The following ADGRL3 variants were observed in gnomAD, a reference collection of about 807,000 sequenced individuals.
ADGRL3 encodes the protein adhesion G protein-coupled receptor L3.
Under a neutral mutation model 153.5 loss-of-function variants are expected in ADGRL3, and 62 were observed. That is an observed-to-expected ratio of 0.40 (90% CI 0.33 to 0.50). ADGRL3 has a LOEUF of 0.50. Among genes scored for constraint, ADGRL3 ranks in the 20% least tolerant of loss-of-function variants. ADGRL3 has a pLI of 0.47. For synonymous variants in ADGRL3, 710 were observed against 672.5 expected (o/e 1.06, Z -0.86); for missense variants, 1,641 against 1,859.4 (o/e 0.88, Z 2.16).
At chr4:61,332,389 GT>G (rs1265805370) in intron 1 of ADGRL3, among the ~76,000 whole-genome samples, 1 of 152,124 alleles carries the variant, frequency 6.6e-6, no homozygotes, top group Non-Finnish European at 1.5e-5. Context: ...TCAATCTTCA[GT>G]TCTAATACAA....
chr4:61,599,776 A>G (rs1410677389), intron 5 of ADGRL3, among the ~76,000 whole-genome samples: 1 of 152,156 alleles, frequency 6.6e-6, no homozygotes, highest in Non-Finnish European at 1.5e-5. Flanking sequence ...CTGAGACAAG[A>G]GAACAGGAGA....
intron 25 of ADGRL3, among the ~76,000 whole-genome samples, chr4:62,066,836 C>G (rs1029472320): frequency 1.3e-5 from 2 of 152,050 alleles, no homozygotes; most frequent in East Asian, 3.9e-4. Context: ...TTGCAGCAGA[C>G]AGAATTGGAA....
intron 13 of ADGRL3, among the ~76,000 whole-genome samples, chr4:61,925,251 A>T (rs1195623151): frequency 6.6e-6 from 1 of 152,056 alleles, no homozygotes; most frequent in Non-Finnish European, 1.5e-5. Flanking sequence ...GTGATACTGC[A>T]CTCTCTGACT....
chr4:61,826,652 G>C (rs1211644023), intron 9 of ADGRL3, among the ~76,000 whole-genome samples: 1 of 152,074 alleles, frequency 6.6e-6, no homozygotes, highest in African/African-American at 2.4e-5. Context: ...TTTACATAGA[G>C]TACTACATAC....
chr4:61,547,233 T>C (rs1243592489), intron 4 of ADGRL3, among the ~76,000 whole-genome samples: 1 of 152,110 alleles, frequency 6.6e-6, no homozygotes, highest in East Asian at 1.9e-4. Context: ...TCTGTGTATC[T>C]ATCAGCCACA....
rs375970345 is a variant in ADGRL3, at chr4:61,422,997, A to C, written c.-174+39808A>C. On this transcript the variant is annotated intron_variant, in intron 2 of 26. Transcript: ENST00000683033. Reference sequence around the variant, plus strand: ...CCTCATGATTAATTCTTAGCCTTAGAATTATAAAGAGGTGGAGCTGAGAGA... The same window carrying C: ...CCTCATGATTAATTCTTAGCCTTAGCATTATAAAGAGGTGGAGCTGAGAGA... 2.6e-4 allele frequency among the ~76,000 whole-genome samples: 40 copies of C among 152,216 alleles called. No individual in the cohort carries two copies. In the South Asian group the frequency reaches 7.9e-3, roughly 30 times the overall value.
chr4:61,567,090 A>AG (rs559065085), intron 4 of ADGRL3, among the ~76,000 whole-genome samples: 50 of 152,342 alleles, frequency 3.3e-4, no homozygotes, highest in African/African-American at 1.1e-3. Context: ...TAAATGTTAC[A>AG]GAAAAAAAAT....
intron 6 of ADGRL3, among the ~76,000 whole-genome samples, chr4:61,727,770 A>T (rs893233055): frequency 1.3e-5 from 2 of 152,174 alleles, no homozygotes; most frequent in Admixed American, 6.5e-5. Flanking sequence ...ATACACAGAC[A>T]TTATGCAGAT....
chr4:61,541,740 G>T (rs2098691064), intron 4 of ADGRL3, among the ~76,000 whole-genome samples: 1 of 151,990 alleles, frequency 6.6e-6, no homozygotes. Flanking sequence ...GGCTCTATGT[G>T]TGGCCTTTCT....
chr4:61,929,119 G>A (rs1044372992), intron 13 of ADGRL3, among the ~76,000 whole-genome samples: 6 of 152,068 alleles, frequency 3.9e-5, no homozygotes, highest in Admixed American at 6.5e-5. Context: ...CTTACTCCCC[G>A]GTATAGTGGT....
chr4:61,200,861 G>A lies in ADGRL3; in HGVS notation c.-1144G>A, dbSNP rs1734439213. ...ATGCCCGCAGCTGCCCGGCCCGGCC[G>A]GCGAGCTAATCATCCACCCCACGGG... On this transcript the variant is annotated 5_prime_UTR_variant, in exon 1 of 27. Coordinates refer to ENST00000683033, the MANE Select transcript of ADGRL3 (RefSeq NM_001387552.1). Among the ~76,000 whole-genome samples the A allele has an allele frequency of 6.6e-6, 1 of 151,626 alleles. No individual in the cohort carries two copies. The highest frequency in any genetic ancestry group is 2.1e-4 in the South Asian group (1 of 4,814).
intron 3 of ADGRL3, among the ~76,000 whole-genome samples, chr4:61,508,594 C>G (rs2152858513): frequency 6.6e-6 from 1 of 152,074 alleles, no homozygotes; most frequent in African/African-American, 2.4e-5. Flanking sequence ...TTTATAATTT[C>G]AACAGTTATA....
At chr4:61,716,500 C>T (rs1487555095) in intron 6 of ADGRL3, among the ~76,000 whole-genome samples, 2 of 152,028 alleles carry the variant, frequency 1.3e-5, no homozygotes, top group South Asian at 2.1e-4. Flanking sequence ...TAGCTTGTAG[C>T]GAAATGAGTT....
chr4:61,224,305 C>T (rs1047895831), intron 1 of ADGRL3, among the ~76,000 whole-genome samples: 8 of 151,902 alleles, frequency 5.3e-5, no homozygotes, highest in African/African-American at 1.2e-4. Context: ...TCTTTATTGC[C>T]GTTAAATATA....
At chr4:61,772,761 G>A (rs1413081711) in intron 8 of ADGRL3, among the ~76,000 whole-genome samples, 2 of 152,056 alleles carry the variant, frequency 1.3e-5, no homozygotes, top group East Asian at 1.9e-4. Context: ...AAATGCTTCA[G>A]GAGAAAATCA....
chr4:61,932,008 T>G (rs148516519), intron 13 of ADGRL3, among the ~76,000 whole-genome samples: 1 of 152,148 alleles, frequency 6.6e-6, no homozygotes, highest in African/African-American at 2.4e-5. Context: ...TATATATATT[T>G]ACACACGTAC....
intron 5 of ADGRL3, among the ~76,000 whole-genome samples, chr4:61,661,723 C>T (rs1293615531): frequency 1.3e-5 from 2 of 152,012 alleles, no homozygotes; most frequent in African/African-American, 4.8e-5. Flanking sequence ...CAGAACATTG[C>T]ATTAGGCATT....
At chr4:61,872,833 G>C (rs2098453718) in intron 9 of ADGRL3, among the ~76,000 whole-genome samples, 1 of 151,998 alleles carries the variant, frequency 6.6e-6, no homozygotes, top group African/African-American at 2.4e-5. Flanking sequence ...TTTTTTATTT[G>C]GTTTGAAATT....
chr4:61,846,557 T>G (rs1164071825), intron 9 of ADGRL3, among the ~76,000 whole-genome samples: 1 of 152,164 alleles, frequency 6.6e-6, no homozygotes, highest in African/African-American at 2.4e-5. Context: ...TTAAAAAACC[T>G]TCCACATAAA....
Sources: allele counts gnomAD v4.1 joint callset (sites outside exome capture counted in the v4.1 genomes callset), GRCh38; gene constraint gnomAD v4.1.1; transcripts MANE v1.5; gene names NCBI Gene and HGNC (gene_info 2026-07-23, HGNC 2026-07-21).